Variants in RBPJ observed in about 807,000 individuals in gnomAD.
RBPJ encodes the protein recombination signal binding protein for immunoglobulin kappa J region.
A neutral mutation model predicts 67.8 loss-of-function variants in RBPJ; 9 were observed. The ratio of observed to expected loss-of-function variants is 0.13; its 90% CI spans 0.08 to 0.23. The LOEUF is 0.23. Among genes scored for constraint, RBPJ ranks in the 10% least tolerant of loss-of-function variants. The pLI, the probability that RBPJ is intolerant of heterozygous loss-of-function variation, is 1.00. For synonymous variants in RBPJ, 198 were observed against 203.3 expected, an observed-to-expected ratio of 0.97 and a Z score of 0.22; for missense variants, 305 against 595.6, an observed-to-expected ratio of 0.51 and a Z score of 5.08.
chr4:26,241,492 C>T (rs73245740), intron 1 of RBPJ, among the ~76,000 whole-genome samples: 4,408 of 151,866 alleles, frequency 0.029, 113 homozygotes, highest in Admixed American at 0.082. Flanking sequence ...CTTCTTTTCA[C>T]TTTTTTTTCT....
At chr4:26,274,941 A>G (rs770299823) in intron 1 of RBPJ, among the ~76,000 whole-genome samples, 1 of 152,228 alleles carries the variant, frequency 6.6e-6, no homozygotes, top group Non-Finnish European at 1.5e-5. Context: ...CGTCTCAAAA[A>G]AACAAAAAAA....
intron 1 of RBPJ, among the ~76,000 whole-genome samples, chr4:26,331,519 C>G (rs752876210): frequency 6.6e-6 from 1 of 152,122 alleles, no homozygotes; most frequent in African/African-American, 2.4e-5. Context: ...CCCTCAGCAC[C>G]CAAGCCTTGA....
chr4:26,316,364 C>CATATATACATTCAT (rs1171704728), upstream of RBPJ, among the ~76,000 whole-genome samples: 1 of 144,674 alleles, frequency 6.9e-6, no homozygotes, highest in Non-Finnish European at 1.5e-5. Context: ...TATATACATT[C>CATATATACATTCAT]ATATATACAT....
At chr4:26,251,918 A>G (rs531756902) in intron 1 of RBPJ, among the ~76,000 whole-genome samples, 1 of 152,122 alleles carries the variant, frequency 6.6e-6, no homozygotes, top group African/African-American at 2.4e-5. Flanking sequence ...GGAAAAGTCA[A>G]TAACGTTCTC....
At chr4:26,288,211 G>A (rs1388719293) in intron 1 of RBPJ, among the ~76,000 whole-genome samples, 1 of 152,240 alleles carries the variant, frequency 6.6e-6, no homozygotes. Context: ...TCAGGGTCAG[G>A]AATCCAGGAG....
the RBPJ span, among the ~76,000 whole-genome samples, chr4:26,127,669 A>T: frequency 6.6e-6 from 1 of 152,366 alleles, no homozygotes; most frequent in Admixed American, 6.5e-5. Flanking sequence ...TCTACCTATT[A>T]GATCCCAGGA....
chr4:26,213,210 C>A (rs1352004899), intron 1 of RBPJ, among the ~76,000 whole-genome samples: 3 of 152,148 alleles, frequency 2.0e-5, no homozygotes, highest in East Asian at 1.9e-4. Context: ...AATGACAGGA[C>A]ACCTCTATCC....
At chr4:26,331,345 C>T (rs549870603) in intron 1 of RBPJ, among the ~76,000 whole-genome samples, 1 of 152,012 alleles carries the variant, frequency 6.6e-6, no homozygotes, top group East Asian at 1.9e-4. Context: ...CCTCAGCCTT[C>T]CAAAGTGCTG....
chr4:26,179,307 T>TC (rs1716900710), intron 1 of RBPJ, among the ~76,000 whole-genome samples: 1 of 151,168 alleles, frequency 6.6e-6, no homozygotes, highest in African/African-American at 2.4e-5. Context: ...TTTTTTTTTT[T>TC]TGAAAGCTCC....
At chr4:26,196,713 C>T (rs1189407105) in intron 1 of RBPJ, among the ~76,000 whole-genome samples, 2 of 152,162 alleles carry the variant, frequency 1.3e-5, no homozygotes, top group Non-Finnish European at 2.9e-5. Flanking sequence ...ACATAACAGA[C>T]AGCCACATAC....
intron 1 of RBPJ, among the ~76,000 whole-genome samples, chr4:26,345,393 G>A (rs1726022969): frequency 6.6e-6 from 1 of 152,216 alleles, no homozygotes; most frequent in Non-Finnish European, 1.5e-5. Context: ...CACTAGGGAA[G>A]TAGAAATATT....
intron 1 of RBPJ, among the ~76,000 whole-genome samples, chr4:26,230,010 G>GA (rs1007814653): frequency 1.4e-4 from 21 of 152,156 alleles, no homozygotes; most frequent in African/African-American, 5.1e-4. Context: ...GCAACATGGC[G>GA]AAACTCCACC....
intron 1 of RBPJ, among the ~76,000 whole-genome samples, chr4:26,276,149 C>T (rs968708364): frequency 6.6e-6 from 1 of 150,954 alleles, no homozygotes; most frequent in Non-Finnish European, 1.5e-5. Flanking sequence ...GTGGCACATG[C>T]CTGTAGTCCC....
chr4:26,248,274 GA>G (rs1384276944), intron 1 of RBPJ, among the ~76,000 whole-genome samples: 1 of 152,142 alleles, frequency 6.6e-6, no homozygotes, highest in African/African-American at 2.4e-5. Context: ...CTGGGTAACA[GA>G]GCAAGATTCC....
intron 2 of RBPJ, among the ~76,000 whole-genome samples, chr4:26,393,627 G>A (rs1015672832): frequency 2.6e-5 from 4 of 152,004 alleles, no homozygotes; most frequent in South Asian, 4.2e-4. Context: ...CGCCTGCCTC[G>A]GCCTCCCAAA....
chr4:26,177,302 G>T (rs139096596), intron 1 of RBPJ, among the ~76,000 whole-genome samples: 5 of 152,166 alleles, frequency 3.3e-5, no homozygotes, highest in African/African-American at 1.2e-4. Flanking sequence ...TGGGCTGGGC[G>T]CAGTGGCTCA....
intron 5 of RBPJ, 173 bp downstream of exon 5, chr4:26,420,898 T>C: frequency 1.8e-6 from 1 of 561,674 alleles, no homozygotes; most frequent in Non-Finnish European, 3.1e-6. Flanking sequence ...TGTGGTCTAA[T>C]GAAGCAGTTC....
At chr4:26,165,840 AT>A (rs2109111215) in intron 1 of RBPJ, among the ~76,000 whole-genome samples, 1 of 149,286 alleles carries the variant, frequency 6.7e-6, no homozygotes, top group Non-Finnish European at 1.5e-5. Flanking sequence ...AGCATTAGGT[AT>A]GTCTCCTAAT....
At position 26,370,677 on chromosome 4, in the gene RBPJ, A is replaced by G. The variant is rs546718656; in HGVS notation, c.21-15676A>G. Reference sequence around the variant, plus strand: ...GCTTGTGGAGCAAGTAATAACAGTAAGCTATAGTGTTGTATCTTTGTAGGG... The same window carrying G: ...GCTTGTGGAGCAAGTAATAACAGTAGGCTATAGTGTTGTATCTTTGTAGGG... On this transcript the variant is annotated intron_variant, in intron 1 of 10. Transcript: ENST00000355476. Among the ~76,000 whole-genome samples the G allele has an allele frequency of 9.1e-4, 139 of 152,330 alleles. 1 individual carries two copies. The highest frequency in any genetic ancestry group is 3.2e-3 in the African/African-American group (135 of 41,572).
Sources: gnomAD v4.1 joint callset for allele counts (sites outside exome capture counted in the v4.1 genomes callset) on GRCh38, gnomAD v4.1.1 for gene constraint, MANE v1.5 for transcripts, NCBI Gene and HGNC (gene_info 2026-07-23, HGNC 2026-07-21) for gene names.